Variants in CDH4 observed in about 807,000 individuals in gnomAD.
The protein encoded by CDH4 is cadherin-4.
CDH4 carries 33 observed loss-of-function variants against 86.0 expected under a neutral mutation model. The ratio of observed to expected loss-of-function variants is 0.38; its 90% CI spans 0.29 to 0.51. CDH4 has a LOEUF of 0.51. Ranked by LOEUF, CDH4 falls within the 20% of genes least tolerant of loss-of-function variation. The pLI, the probability that CDH4 is intolerant of heterozygous loss-of-function variation, is 0.86. For missense variants in CDH4, 1,114 were observed against 1,307.4 expected (o/e 0.85, Z 2.28); for synonymous variants, 555 against 549.4 (o/e 1.01, Z -0.14).
chr20:61,758,947 GTA>G (rs1021563458), intron 3 of CDH4, among the ~76,000 whole-genome samples: 64 of 152,306 alleles, frequency 4.2e-4, no homozygotes, highest in African/African-American at 1.3e-3. Flanking sequence ...GTGTACACAT[GTA>G]TATGAGTGTG....
At chr20:61,876,629 C>T (rs140296177) in intron 7 of CDH4, among the ~76,000 whole-genome samples, 33 of 152,170 alleles carry the variant, frequency 2.2e-4, no homozygotes, top group African/African-American at 7.0e-4. Context: ...CCGGGGTTTT[C>T]GTATTATAAT....
chr20:61,935,140 G>A (rs566641976), intron 15 of CDH4, among the ~76,000 whole-genome samples: 3 of 152,324 alleles, frequency 2.0e-5, no homozygotes, highest in African/African-American at 7.2e-5. Context: ...GCTGCTTCTA[G>A]TCGGCGTGAG....
chr20:61,460,438 G>A (rs1239029381), intron 2 of CDH4, among the ~76,000 whole-genome samples: 1 of 152,194 alleles, frequency 6.6e-6, no homozygotes, highest in East Asian at 1.9e-4. Context: ...AACTGGGGAG[G>A]TTTGGATCCC....
chr20:61,565,474 G>C (rs577904645), intron 2 of CDH4, among the ~76,000 whole-genome samples: 1 of 151,716 alleles, frequency 6.6e-6, no homozygotes, highest in South Asian at 2.1e-4. Context: ...CCCTAGAAAG[G>C]CTATGAGGAA....
intron 2 of CDH4, among the ~76,000 whole-genome samples, chr20:61,617,484 C>T (rs1208937239): frequency 1.3e-5 from 2 of 152,242 alleles, no homozygotes; most frequent in Admixed American, 1.3e-4. Flanking sequence ...GAACGTCCCC[C>T]CATTCCCCGT....
chr20:61,841,725 G>C (rs1262818410), intron 4 of CDH4, among the ~76,000 whole-genome samples: 1 of 152,102 alleles, frequency 6.6e-6, no homozygotes, highest in Non-Finnish European at 1.5e-5. Context: ...GCTCCTCACA[G>C]ACTGTGAGTG....
chr20:61,523,023 G>T (rs551570169), intron 2 of CDH4, among the ~76,000 whole-genome samples: 6 of 152,222 alleles, frequency 3.9e-5, no homozygotes, highest in Admixed American at 3.3e-4. Context: ...GCCTCCAGGA[G>T]CAGAGGAAGG....
At chr20:61,669,577 A>C (rs1215019047) in intron 2 of CDH4, among the ~76,000 whole-genome samples, 1 of 152,186 alleles carries the variant, frequency 6.6e-6, no homozygotes, top group African/African-American at 2.4e-5. Context: ...GGAAAACTGA[A>C]GAAGGGTGGC....
intron 2 of CDH4, among the ~76,000 whole-genome samples, chr20:61,545,838 G>A (rs1045523317): frequency 1.3e-4 from 20 of 151,614 alleles, no homozygotes; most frequent in African/African-American, 4.1e-4. Flanking sequence ...GTATGTGTGT[G>A]TGTGGAGGGG....
At chr20:61,875,414 G>C (rs1983979181) in intron 7 of CDH4, among the ~76,000 whole-genome samples, 1 of 152,206 alleles carries the variant, frequency 6.6e-6, no homozygotes, top group South Asian at 2.1e-4. Flanking sequence ...TCAGGACTCA[G>C]ACCCGCACAG....
intron 2 of CDH4, among the ~76,000 whole-genome samples, chr20:61,685,281 G>A (rs1390530184): frequency 1.3e-5 from 2 of 152,148 alleles, no homozygotes; most frequent in African/African-American, 4.8e-5. Context: ...CTCTCCATGC[G>A]CTGCTACTGG....
intron 2 of CDH4, among the ~76,000 whole-genome samples, chr20:61,468,670 A>G (rs1269559264): frequency 1.3e-5 from 2 of 152,058 alleles, no homozygotes; most frequent in Non-Finnish European, 1.5e-5. Context: ...TGTACCCATT[A>G]ACCATCCCCA....
chr20:61,834,685 C>A (rs1469844841), intron 4 of CDH4, among the ~76,000 whole-genome samples: 2 of 152,162 alleles, frequency 1.3e-5, no homozygotes, highest in Non-Finnish European at 2.9e-5. Flanking sequence ...GGCGAACACG[C>A]TGCGCTACAG....
intron 2 of CDH4, among the ~76,000 whole-genome samples, chr20:61,620,416 G>A (rs1600813352): frequency 6.6e-6 from 1 of 151,874 alleles, no homozygotes; most frequent in Admixed American, 6.6e-5. Context: ...ATAGATGGAT[G>A]ATGGATGGAT....
intron 2 of CDH4, among the ~76,000 whole-genome samples, chr20:61,654,725 G>A (rs2087168168): frequency 6.6e-6 from 1 of 152,382 alleles, no homozygotes; most frequent in South Asian, 2.1e-4. Context: ...TACGAATTCT[G>A]TAGGGAGTGT....
intron 2 of CDH4, among the ~76,000 whole-genome samples, chr20:61,580,730 C>T (rs1055061750): frequency 6.6e-6 from 1 of 152,136 alleles, no homozygotes; most frequent in Non-Finnish European, 1.5e-5. Context: ...TCCAGACCAC[C>T]ACTGGTGACA....
chr20:61,703,658 A>G lies in CDH4; in HGVS notation c.170-39905A>G, dbSNP rs1480322791. 6.6e-6 allele frequency among the ~76,000 whole-genome samples: 1 copy of G among 152,094 alleles called. No individual in the cohort carries two copies. Among genetic ancestry groups the G allele is most frequent in the African/African-American group, 2.4e-5 (1 of 41,408 alleles). On this transcript the variant is annotated intron_variant, in intron 2 of 15. Transcript: ENST00000614565. The surrounding 1 kb of genome is among the most constrained non-coding windows in gnomAD (Gnocchi z 4.3). The stretch of plus-strand genomic sequence containing the variant: ...GGGATCTGATGTGTGCAGCCATCTC[A>G]TTGGCCATACAAGAGCTGTCCATGT...
chr20:61,544,741 C>T lies in CDH4; in HGVS notation c.170-198822C>T, dbSNP rs776771202. On this transcript the variant is annotated intron_variant, in intron 2 of 15. Transcript: ENST00000614565. This position sits in a 1 kb window ranked among gnomAD's most constrained non-coding sequence, Gnocchi z 6.5. The stretch of plus-strand genomic sequence containing the variant: ...ATTTTGGTGGAGAAAGTTGTAAAAC[C>T]ACCTGAATGAATTGGCTTGGTCCAT... Among the ~76,000 whole-genome samples, 2 of 152,088 alleles carry T rather than the reference C, an allele frequency of 1.3e-5. No homozygotes were observed. Among genetic ancestry groups the T allele is most frequent in the Non-Finnish European group, 2.9e-5 (2 of 68,028 alleles).
chr20:61,929,883 G>A (rs1046173590), intron 13 of CDH4, 41 bp downstream of exon 13: 5 of 1,512,734 alleles, frequency 3.3e-6, no homozygotes, highest in Admixed American at 1.7e-5. Context: ...GGGCATTGTG[G>A]GTATGAGTGC....
Sources: allele counts gnomAD v4.1 joint callset (sites outside exome capture counted in the v4.1 genomes callset), GRCh38; gene constraint gnomAD v4.1.1; non-coding constraint Gnocchi (gnomAD v3.1); transcripts MANE v1.5; gene names NCBI Gene and HGNC (gene_info 2026-07-23, HGNC 2026-07-21).